The following FGF14 variants were observed in gnomAD, a reference collection of about 807,000 sequenced individuals.
FGF14 encodes the protein fibroblast growth factor 14.
FGF14 carries 5 observed loss-of-function variants against 25.5 expected under a neutral mutation model. That is an observed-to-expected ratio of 0.20 (90% CI 0.10 to 0.41). The LOEUF is 0.41. Among genes scored for constraint, FGF14 ranks in the 10% least tolerant of loss-of-function variants. The probability of loss-of-function intolerance (pLI) is 1.00; values close to 1 mark genes in which losing one functional copy is unlikely to be tolerated. For missense variants in FGF14, 222 were observed against 320.1 expected (o/e 0.69, Z 2.34); for synonymous variants, 138 against 118.3 (o/e 1.17, Z -1.08).
intron 1 of FGF14, among the ~76,000 whole-genome samples, chr13:102,280,843 A>G (rs1475724380): frequency 6.6e-6 from 1 of 152,232 alleles, no homozygotes; most frequent in Non-Finnish European, 1.5e-5. Context: ...GGGAAACACC[A>G]GAAATCATGG....
intron 1 of FGF14, among the ~76,000 whole-genome samples, chr13:102,114,576 T>C (rs113146124): frequency 1.3e-5 from 2 of 152,190 alleles, no homozygotes; most frequent in Non-Finnish European, 2.9e-5. Flanking sequence ...TCCATCAACA[T>C]TTATGTTGTC....
intron 1 of FGF14, among the ~76,000 whole-genome samples, chr13:101,962,464 T>C (rs2036922147): frequency 6.6e-6 from 1 of 152,118 alleles, no homozygotes. Context: ...TATTAGGAAA[T>C]GTAAACTGAA....
chr13:102,151,249 T>C (rs1046256683), intron 1 of FGF14, among the ~76,000 whole-genome samples: 12 of 152,130 alleles, frequency 7.9e-5, no homozygotes, highest in African/African-American at 1.2e-4. Flanking sequence ...CATGGAGAAA[T>C]TGCTAAATCC....
At chr13:101,824,016 A>C (rs1412483014) in intron 3 of FGF14, among the ~76,000 whole-genome samples, 1 of 151,964 alleles carries the variant, frequency 6.6e-6, no homozygotes, top group Non-Finnish European at 1.5e-5. Flanking sequence ...AATTTATTTT[A>C]TTTTGAACAA....
intron 1 of FGF14, among the ~76,000 whole-genome samples, chr13:102,153,582 T>TTTTGTTTA (rs1000273159): frequency 6.6e-6 from 1 of 152,194 alleles, no homozygotes; most frequent in Non-Finnish European, 1.5e-5. Context: ...ATTTTGAGAA[T>TTTTGTTTA]TTTGTTTATT....
intron 1 of FGF14, among the ~76,000 whole-genome samples, chr13:101,983,323 A>C (rs1281763288): frequency 2.0e-5 from 3 of 152,184 alleles, no homozygotes; most frequent in African/African-American, 7.2e-5. Context: ...GGGGTCCAAT[A>C]AATACTGAAC....
intron 3 of FGF14, among the ~76,000 whole-genome samples, chr13:101,845,902 A>T (rs1594458055): frequency 6.6e-6 from 1 of 152,002 alleles, no homozygotes; most frequent in African/African-American, 2.4e-5. Context: ...GGCTCAGTGC[A>T]TATAACTATA....
intron 3 of FGF14, among the ~76,000 whole-genome samples, chr13:101,766,281 A>G (rs2038389424): frequency 6.6e-6 from 1 of 152,152 alleles, no homozygotes; most frequent in African/African-American, 2.4e-5. Flanking sequence ...ATGTCCATGG[A>G]GGCAGAAGTC....
At chr13:101,892,149 T>C (rs953594531) in intron 1 of FGF14, among the ~76,000 whole-genome samples, 14 of 152,076 alleles carry the variant, frequency 9.2e-5, no homozygotes, top group African/African-American at 3.4e-4. Flanking sequence ...CACAACACAA[T>C]CCAAAGATGC....
intron 1 of FGF14, among the ~76,000 whole-genome samples, chr13:102,132,930 C>G (rs1022576951): frequency 6.6e-6 from 1 of 152,178 alleles, no homozygotes; most frequent in African/African-American, 2.4e-5. Flanking sequence ...TTCAGGTGTT[C>G]TGTTGAACCT....
chr13:102,302,371 G>A (rs1330073834), intron 1 of FGF14, among the ~76,000 whole-genome samples: 1 of 152,068 alleles, frequency 6.6e-6, no homozygotes, highest in Non-Finnish European at 1.5e-5. Flanking sequence ...CCCATCAGAT[G>A]TTTTTCCAGG....
At chr13:101,930,318 A>C (rs1194627060) in intron 1 of FGF14, among the ~76,000 whole-genome samples, 1 of 152,202 alleles carries the variant, frequency 6.6e-6, no homozygotes, top group Non-Finnish European at 1.5e-5. Flanking sequence ...ACAAGGTCTT[A>C]TGTCAAAAAG....
rs1458996058 is a variant in FGF14 at position 102,249,322 on chromosome 13, GA to G, written c.208+152148del. Among the ~76,000 whole-genome samples the G allele has an allele frequency of 2.6e-5, 4 of 152,196 alleles. No homozygotes were observed. In the East Asian group the frequency reaches 7.7e-4, roughly 29 times the overall value. The stretch of plus-strand genomic sequence containing the variant: ...GGATAGCAAAATGTTGTTCAAATCA[GA>G]AGGGATATTCCTAAAGTGGTCAGAG... On this transcript the variant is annotated intron_variant, in intron 1 of 4. Coordinates refer to the FGF14 transcript ENST00000376131.
intron 3 of FGF14, among the ~76,000 whole-genome samples, chr13:101,867,045 C>G (rs1299776063): frequency 6.6e-6 from 1 of 152,130 alleles, no homozygotes; most frequent in Non-Finnish European, 1.5e-5. Context: ...GAACAACGTA[C>G]CCAGTAACAA....
chr13:102,165,651 A>C (rs2047970001), intron 1 of FGF14, among the ~76,000 whole-genome samples: 1 of 27,178 alleles, frequency 3.7e-5, no homozygotes, highest in Admixed American at 6.5e-4. Flanking sequence ...AACATCACAT[A>C]CTGGGGCCTG....
intron 3 of FGF14, among the ~76,000 whole-genome samples, chr13:101,774,987 A>G (rs1053928619): frequency 6.6e-5 from 10 of 151,392 alleles, no homozygotes; most frequent in African/African-American, 1.7e-4. Flanking sequence ...AAAAAAAAAA[A>G]GGATTGGAAA....
rs1462961629 is a variant in FGF14 at position 101,985,055 on chromosome 13, C to G, written c.209-109759G>C. 6.1e-5 allele frequency among the ~76,000 whole-genome samples: 9 copies of G among 148,306 alleles called. No homozygotes were observed. In the East Asian group the frequency reaches 1.8e-3, roughly 30 times the overall value. On this transcript the variant is annotated intron_variant, in intron 1 of 4. Transcript: ENST00000376131. ...TTGTCATGAGCGTATAAAGACCTGGCCATGAATTCAAGGGTTTTTTTTTTG... is the reference window on the plus strand; with the variant it reads ...TTGTCATGAGCGTATAAAGACCTGGGCATGAATTCAAGGGTTTTTTTTTTG...
intron 1 of FGF14, among the ~76,000 whole-genome samples, chr13:102,298,388 T>A (rs984176038): frequency 6.6e-6 from 1 of 152,152 alleles, no homozygotes; most frequent in African/African-American, 2.4e-5. Flanking sequence ...AATAAAATGT[T>A]CAAGGCATGT....
At chr13:102,294,889 G>C (rs1024659941) in intron 1 of FGF14, among the ~76,000 whole-genome samples, 1 of 152,198 alleles carries the variant, frequency 6.6e-6, no homozygotes, top group Non-Finnish European at 1.5e-5. Flanking sequence ...GACTAAATGA[G>C]TTACAATAGC....
Sources: allele counts gnomAD v4.1 joint callset (sites outside exome capture counted in the v4.1 genomes callset), GRCh38; gene constraint gnomAD v4.1.1; transcripts MANE v1.5; gene names NCBI Gene and HGNC (gene_info 2026-07-23, HGNC 2026-07-21).